ATP2B4: variants seen among roughly 807,000 people sequenced by gnomAD.
ATP2B4 encodes plasma membrane calcium-transporting ATPase 4.
A neutral mutation model predicts 110.3 loss-of-function variants in ATP2B4; 39 were observed. That is an observed-to-expected ratio of 0.35 (90% CI 0.27 to 0.46). ATP2B4 has a LOEUF of 0.46. Ranked by LOEUF, ATP2B4 falls within the 20% of genes least tolerant of loss-of-function variation. The probability of loss-of-function intolerance (pLI) is 1.00; values close to 1 mark genes in which losing one functional copy is unlikely to be tolerated. For synonymous variants in ATP2B4, 538 were observed against 571.7 expected (o/e 0.94, Z 0.84); for missense variants, 1,135 against 1,530.9 (o/e 0.74, Z 4.32).
At chr1:203,719,931 G>A (rs1451339528) in intron 15 of ATP2B4, among the ~76,000 whole-genome samples, 1 of 151,858 alleles carries the variant, frequency 6.6e-6, no homozygotes, top group African/African-American at 2.4e-5. Context: ...AATTAACCAA[G>A]CAGGGTGAGC....
intron 17 of ATP2B4, 83 bp from the exon 18 acceptor site, chr1:203,722,395 G>A (rs2102216727): frequency 9.1e-7 from 1 of 1,096,012 alleles, no homozygotes; most frequent in Admixed American, 1.9e-5. Context: ...CCAGCCATAA[G>A]CAAGCAGTAT....
chr1:203,711,114 A>G lies in ATP2B4; in HGVS notation c.2031+6A>G, dbSNP rs2102400499. 6.2e-7 allele frequency: 1 copy of G among 1,613,828 alleles called. No individual in the cohort carries two copies. The highest frequency in any genetic ancestry group is 2.2e-5 in the East Asian group (1 of 44,870). On this transcript the variant is annotated splice_donor_region_variant and intron_variant, in intron 12 of 20. Transcript: ENST00000357681. ...AGGACCCTGTGCGCCCAGAGGTGAG[A>G]GGGTGGGAAGCCACCCAGGAGTCTC...
At chr1:203,686,627 C>CTGCT (rs33962460) in intron 2 of ATP2B4, among the ~76,000 whole-genome samples, 2 of 147,944 alleles carry the variant, frequency 1.4e-5, no homozygotes, top group African/African-American at 5.0e-5. Flanking sequence ...TTTCTACTGC[C>CTGCT]ATGTACTGCT....
intron 1 of ATP2B4, among the ~76,000 whole-genome samples, chr1:203,678,945 A>T (rs539681289): frequency 2.6e-5 from 4 of 152,352 alleles, no homozygotes; most frequent in Admixed American, 6.5e-5. Context: ...CAAATTATAG[A>T]ACAGATGTTA....
At chr1:203,679,582 TTCAA>T (rs1664935549) in intron 1 of ATP2B4, among the ~76,000 whole-genome samples, 1 of 152,034 alleles carries the variant, frequency 6.6e-6, no homozygotes, top group Admixed American at 6.6e-5. Context: ...TGAAAAGAGG[TTCAA>T]AGTAAGGAAG....
Position 203,701,989 on chromosome 1 carries a change from C to T in ATP2B4, c.902-55C>T, listed in dbSNP as rs925684275. 4 of 1,601,630 alleles carry T rather than the reference C, an allele frequency of 2.5e-6. No homozygotes were observed. The African/African-American group carries it at 5.4e-5, about 21-fold the overall frequency. On this transcript the variant is annotated intron_variant, in intron 6 of 20. Transcript: ENST00000357681. Reference sequence around the variant, plus strand: ...TCTGAGCAGGACCAACAAATTGGATCTCTTAATAGTTACTTTGGGTTTCGA... The same window carrying T: ...TCTGAGCAGGACCAACAAATTGGATTTCTTAATAGTTACTTTGGGTTTCGA...
intron 19 of ATP2B4, among the ~76,000 whole-genome samples, chr1:203,726,077 A>C (rs1432509909): frequency 6.8e-6 from 1 of 147,314 alleles, no homozygotes; most frequent in Non-Finnish European, 1.5e-5. Context: ...AATACAAAAA[A>C]AAAAAAAAAA....
At chr1:203,671,652 G>A (rs980465460) in intron 1 of ATP2B4, among the ~76,000 whole-genome samples, 1 of 152,192 alleles carries the variant, frequency 6.6e-6, no homozygotes, top group Non-Finnish European at 1.5e-5. Flanking sequence ...TATGTGTCTA[G>A]GGAGGAATCA....
chr1:203,741,869 C>T lies in ATP2B4; in HGVS notation c.*2015C>T, dbSNP rs1002701882. 1 of 152,618 alleles carries T rather than the reference C, an allele frequency of 6.6e-6. No homozygotes were observed. The highest frequency in any genetic ancestry group is 6.5e-5 in the Admixed American group (1 of 15,276). 9.5% of individuals were successfully genotyped at this position (152,618 alleles called of 1,614,324 possible). A position where few individuals can be genotyped will look rare whatever the true frequency, so the allele number is the denominator to read the frequency against. On this transcript the variant is annotated 3_prime_UTR_variant, in exon 21 of 21. Coordinates refer to ENST00000357681, the MANE Select transcript of ATP2B4 (RefSeq NM_001684.5). ...TAGGTTTCACATATATATTCATCAA[C>T]TATTTTAGAAGATTTAATTCTATCA...
intron 15 of ATP2B4, among the ~76,000 whole-genome samples, chr1:203,718,338 G>T (rs573821062): frequency 6.6e-6 from 1 of 150,486 alleles, no homozygotes. Flanking sequence ...TCACTCTGTC[G>T]CCCAGGCTGG....
At chr1:203,713,064 G>A in intron 13 of ATP2B4, 101 bp from the exon 14 acceptor site, 1 of 1,236,344 alleles carries the variant, frequency 8.1e-7, no homozygotes, top group Non-Finnish European at 1.2e-6. Flanking sequence ...GGACTGTGGT[G>A]TACCCAATCT....
intron 2 of ATP2B4, among the ~76,000 whole-genome samples, chr1:203,687,282 GAAAGGAAGA>G (rs1665225742): frequency 8.4e-6 from 1 of 118,920 alleles, no homozygotes; most frequent in Non-Finnish European, 1.9e-5. Flanking sequence ...AGAAAGAAAA[GAAAGGAAGA>G]AAGAAAGAAA....
At chr1:203,652,634 G>T (rs1284179061) in intron 1 of ATP2B4, among the ~76,000 whole-genome samples, 1 of 152,032 alleles carries the variant, frequency 6.6e-6, no homozygotes, top group African/African-American at 2.4e-5. Flanking sequence ...ATGTCTCTGT[G>T]TCACATCTTG....
intron 1 of ATP2B4, among the ~76,000 whole-genome samples, chr1:203,651,476 A>G (rs1272035911): frequency 6.6e-6 from 1 of 152,068 alleles, no homozygotes; most frequent in South Asian, 2.1e-4. Context: ...TTCCTATCCC[A>G]TCCCCCCACC....
In ATP2B4 at chr1:203,698,237, A is replaced by G. The variant is rs776307408; in HGVS notation, c.274A>G (p.Thr92Ala). 1.2e-6 allele frequency: 2 copies of G among 1,614,122 alleles called. No individual in the cohort carries two copies. Among genetic ancestry groups the G allele is most frequent in the Admixed American group, 3.3e-5 (2 of 60,012 alleles). The stretch of plus-strand genomic sequence containing the variant: ...CGTGATCCCCCCCAAAAAGCCCAAG[A>G]CTTTCTTAGAATTAGTGTGGGAAGC... ...HNVIPPKKPK[T>A]FLELVWEALQ... The change falls in exon 3 of 21, where the codon ACT (threonine) becomes GCT (alanine). Residue 92 changes from threonine (T) to alanine (A), a missense_variant. By Grantham distance (58) the Thr-to-Ala change is moderately conservative. Coordinates refer to ENST00000357681, the MANE Select transcript of ATP2B4 (RefSeq NM_001684.5).
rs147616565 is a variant in ATP2B4, at chr1:203,734,201, G to T, written c.3310-5345G>T. On this transcript the variant is annotated intron_variant, in intron 20 of 20. Transcript: ENST00000357681. ...CTGTAGTCCTATAGCTACTCGGGAGGCTAAGACAGGAGAATCACTTGAACT... is the reference window on the plus strand; with the variant it reads ...CTGTAGTCCTATAGCTACTCGGGAGTCTAAGACAGGAGAATCACTTGAACT... Among the ~76,000 whole-genome samples the T allele has an allele frequency of 5.4e-3, 824 of 151,954 alleles. 7 individuals are homozygous for T. Among genetic ancestry groups the T allele is most frequent in the African/African-American group, 0.019 (788 of 41,424 alleles).
intron 20 of ATP2B4, 149 bp from the exon 21 acceptor site, chr1:203,739,397 C>G: frequency 1.3e-6 from 1 of 760,128 alleles, no homozygotes; most frequent in Non-Finnish European, 2.1e-6. Context: ...GCCCCATGAT[C>G]TCTTCTGATG....
chr1:203,658,309 A>G (rs1372192573), intron 1 of ATP2B4, among the ~76,000 whole-genome samples: 1 of 151,586 alleles, frequency 6.6e-6, no homozygotes, highest in Non-Finnish European at 1.5e-5. Flanking sequence ...GGATCTTTTG[A>G]GCTCAGGAGT....
At chr1:203,724,604 A>G (rs572350818) in intron 19 of ATP2B4, among the ~76,000 whole-genome samples, 14 of 152,092 alleles carry the variant, frequency 9.2e-5, no homozygotes, top group Non-Finnish European at 1.9e-4. Context: ...AAAAAAATAT[A>G]TAATAAGGGT....
Sources: gnomAD v4.1 joint callset for allele counts (sites outside exome capture counted in the v4.1 genomes callset) on GRCh38, gnomAD v4.1.1 for gene constraint, MANE v1.5 for transcripts, NCBI Gene and HGNC (gene_info 2026-07-23, HGNC 2026-07-21) for gene names.